Variants in EXT1 observed in about 807,000 individuals in gnomAD.
EXT1 encodes exostosin glycosyltransferase 1.
A neutral mutation model predicts 82.5 loss-of-function variants in EXT1; 20 were observed. That is an observed-to-expected ratio of 0.24 (90% CI 0.17 to 0.35). The LOEUF (loss-of-function observed/expected upper bound fraction) is 0.35, where lower values mean the gene tolerates loss of function less well. Among genes scored for constraint, EXT1 ranks in the 10% least tolerant of loss-of-function variants. The probability of loss-of-function intolerance (pLI) is 1.00; values close to 1 mark genes in which losing one functional copy is unlikely to be tolerated. For missense variants in EXT1, 757 were observed against 936.5 expected, an observed-to-expected ratio of 0.81 and a Z score of 2.50; for synonymous variants, 348 against 350.8, an observed-to-expected ratio of 0.99 and a Z score of 0.09.
chr8:117,933,058 A>G (rs1467849276), intron 1 of EXT1, among the ~76,000 whole-genome samples: 8 of 152,040 alleles, frequency 5.3e-5, no homozygotes, highest in Admixed American at 5.2e-4. Flanking sequence ...GCTCTCTCTC[A>G]GTGGTATGTT....
chr8:117,851,076 T>G (rs1027478435), intron 1 of EXT1, among the ~76,000 whole-genome samples: 1 of 152,212 alleles, frequency 6.6e-6, no homozygotes, highest in Non-Finnish European at 1.5e-5. Flanking sequence ...CAAGGGATAC[T>G]TTCCTATCTT....
intron 1 of EXT1, among the ~76,000 whole-genome samples, chr8:118,071,990 T>A (rs552338361): frequency 6.6e-6 from 1 of 152,166 alleles, no homozygotes; most frequent in East Asian, 1.9e-4. Context: ...AGGATGAAAA[T>A]CTAGGTTCAC....
intron 5 of EXT1, among the ~76,000 whole-genome samples, chr8:117,820,329 CTG>C (rs1402603959): frequency 1.3e-5 from 2 of 152,184 alleles, no homozygotes; most frequent in Non-Finnish European, 2.9e-5. Context: ...ACTTAACCCT[CTG>C]TGTTTCCACA....
intron 1 of EXT1, among the ~76,000 whole-genome samples, chr8:117,924,359 G>A (rs1304837974): frequency 6.6e-6 from 1 of 152,194 alleles, no homozygotes; most frequent in Non-Finnish European, 1.5e-5. Context: ...TACTCAAGGG[G>A]TTTTATTTTT....
At chr8:117,915,342 T>C (rs1394045205) in intron 1 of EXT1, among the ~76,000 whole-genome samples, 1 of 145,684 alleles carries the variant, frequency 6.9e-6, no homozygotes, top group East Asian at 2.0e-4. Context: ...TTTTGCTTAA[T>C]AGATATAACC....
At chr8:117,994,519 G>A (rs559992969) in intron 1 of EXT1, among the ~76,000 whole-genome samples, 3 of 152,276 alleles carry the variant, frequency 2.0e-5, no homozygotes, top group South Asian at 4.2e-4. Context: ...AGTGAGGCAG[G>A]AGGATCACTT....
intron 1 of EXT1, among the ~76,000 whole-genome samples, chr8:117,879,043 A>C (rs1307221506): frequency 6.6e-6 from 1 of 152,238 alleles, no homozygotes; most frequent in Non-Finnish European, 1.5e-5. Flanking sequence ...TAGGTGGCAC[A>C]GGTGACTTGA....
At chr8:118,052,760 C>A (rs550308167) in intron 1 of EXT1, among the ~76,000 whole-genome samples, 1 of 152,172 alleles carries the variant, frequency 6.6e-6, no homozygotes, top group Non-Finnish European at 1.5e-5. Flanking sequence ...GGAAAGTTAA[C>A]AAGAAGCAAA....
At chr8:118,092,920 T>A (rs1817548009) in intron 1 of EXT1, among the ~76,000 whole-genome samples, 1 of 152,158 alleles carries the variant, frequency 6.6e-6, no homozygotes, top group African/African-American at 2.4e-5. Flanking sequence ...ATGTCCTGAA[T>A]AGGAGCAAAC....
chr8:118,088,818 G>A (rs1029300745), intron 1 of EXT1, among the ~76,000 whole-genome samples: 5 of 152,166 alleles, frequency 3.3e-5, no homozygotes, highest in African/African-American at 1.2e-4. Flanking sequence ...AGTGCCAAGA[G>A]AGAAAATAAA....
chr8:117,828,481 C>G (rs1269493236), intron 4 of EXT1, among the ~76,000 whole-genome samples: 4 of 151,644 alleles, frequency 2.6e-5, no homozygotes, highest in Non-Finnish European at 4.4e-5. Context: ...GTCATTCCAG[C>G]CTGGTGACAG....
intron 1 of EXT1, among the ~76,000 whole-genome samples, chr8:117,872,653 A>T (rs1812894225): frequency 6.6e-6 from 1 of 152,198 alleles, no homozygotes; most frequent in African/African-American, 2.4e-5. Flanking sequence ...TTTGTTATTT[A>T]TCTTTTATTC....
chr8:118,089,559 G>A (rs889084063), intron 1 of EXT1, among the ~76,000 whole-genome samples: 7 of 152,188 alleles, frequency 4.6e-5, no homozygotes, highest in Non-Finnish European at 7.3e-5. Flanking sequence ...AGGTGGTTAT[G>A]GGAAACAAAT....
intron 1 of EXT1, among the ~76,000 whole-genome samples, chr8:117,971,918 A>G (rs1814949091): frequency 6.6e-6 from 1 of 152,224 alleles, no homozygotes; most frequent in African/African-American, 2.4e-5. Context: ...TGGGAGGCCA[A>G]GGTGGGTGGG....
At chr8:117,873,447 CTTTTTT>C (rs1184985472) in intron 1 of EXT1, among the ~76,000 whole-genome samples, 1 of 99,704 alleles carries the variant, frequency 1.0e-5, no homozygotes, top group Admixed American at 1.1e-4. Flanking sequence ...TGTCCTGTGA[CTTTTTT>C]TTTTTTTTTT....
At position 117,862,314 on chromosome 8, in the gene EXT1, A is replaced by G. The variant is rs901025990; in HGVS notation, c.963-25113T>C. ...AAGAATAGGCCCTGCTTCCTGCTCT[A>G]TAGCCCCCTACCAAAGAGTTACAGA... On this transcript the variant is annotated intron_variant, in intron 1 of 10. Coordinates refer to ENST00000378204, the MANE Select transcript of EXT1 (RefSeq NM_000127.3). Among the ~76,000 whole-genome samples, 3 of 145,910 alleles carry G rather than the reference A, an allele frequency of 2.1e-5. 1 individual carries two copies. Among genetic ancestry groups the G allele is most frequent in the Non-Finnish European group, 3.1e-5 (2 of 64,878 alleles).
chr8:117,955,073 A>C (rs1814560976), intron 1 of EXT1, among the ~76,000 whole-genome samples: 1 of 152,134 alleles, frequency 6.6e-6, no homozygotes, highest in African/African-American at 2.4e-5. Flanking sequence ...GCTTACTATT[A>C]CTGATTTATT....
In EXT1 at chr8:118,074,791, T is replaced by C. The variant is rs980944600; in HGVS notation, c.962+35294A>G. 2.6e-5 allele frequency among the ~76,000 whole-genome samples: 4 copies of C among 152,082 alleles called. No individual in the cohort carries two copies. The East Asian group carries it at 7.7e-4, about 29-fold the overall frequency. ...ATGACAGCAGCTTTGCTAAGGCTAATGGAAAGCATATAAATCCCTTTACAA... is the reference window on the plus strand; with the variant it reads ...ATGACAGCAGCTTTGCTAAGGCTAACGGAAAGCATATAAATCCCTTTACAA... On this transcript the variant is annotated intron_variant, in intron 1 of 10. Transcript: ENST00000378204.
At position 117,817,012 on chromosome 8, in the gene EXT1, C is replaced by A. The variant is rs112677438; in HGVS notation, c.1632+1423G>T. Among the ~76,000 whole-genome samples, 1,192 of 152,244 alleles carry A rather than the reference C, an allele frequency of 7.8e-3. 11 individuals are homozygous for A. The highest frequency in any genetic ancestry group is 0.026 in the African/African-American group (1,075 of 41,536). Reference sequence around the variant, plus strand: ...TCTATGGGGGGGATGGATATAAGGGCCTGCATGAAACTGTGCTTATGGTGA... The same window carrying A: ...TCTATGGGGGGGATGGATATAAGGGACTGCATGAAACTGTGCTTATGGTGA... On this transcript the variant is annotated intron_variant, in intron 7 of 10. Transcript: ENST00000378204.
Sources: gnomAD v4.1 joint callset for allele counts (sites outside exome capture counted in the v4.1 genomes callset) on GRCh38, gnomAD v4.1.1 for gene constraint, MANE v1.5 for transcripts, NCBI Gene and HGNC (gene_info 2026-07-23, HGNC 2026-07-21) for gene names.